Variants in PLAGL1 observed in about 807,000 individuals in gnomAD.
PLAGL1 encodes the protein PLAG1 like zinc finger 1, also known as zinc finger protein PLAGL1.
PLAGL1 carries 1 observed loss-of-function variant against 4.6 expected under a neutral mutation model. That is an observed-to-expected ratio of 0.22 (90% CI 0.08 to 1.03). The LOEUF is 1.03. Among genes scored for constraint, PLAGL1 ranks in the 50% least tolerant of loss-of-function variants. The probability of loss-of-function intolerance (pLI) is 0.58; values close to 1 mark genes in which losing one functional copy is unlikely to be tolerated. For synonymous variants in PLAGL1, 240 were observed against 237.8 expected (o/e 1.01, Z -0.08); for missense variants, 464 against 570.4 (o/e 0.81, Z 1.90).
At position 143,979,761 on chromosome 6, in the gene PLAGL1, G is replaced by T; in HGVS notation, c.-544+5374C>A. ...TTTACCTAGGTGGTTGCCATTTCTG[G>T]TGCTCTTTACTGCTATCTGGCATTA... On this transcript the variant is annotated intron_variant, in intron 2 of 7. Transcript: ENST00000674357. The surrounding 1 kb of genome is among the most constrained non-coding windows in gnomAD (Gnocchi z 4.6). Among the ~76,000 whole-genome samples the T allele has an allele frequency of 6.6e-6, 1 of 151,426 alleles. No individual in the cohort carries two copies. Among genetic ancestry groups the T allele is most frequent in the Non-Finnish European group, 1.5e-5 (1 of 67,806 alleles).
chr6:144,010,969 A>C (rs1795135436), upstream of PLAGL1, among the ~76,000 whole-genome samples: 1 of 152,240 alleles, frequency 6.6e-6, no homozygotes, highest in Non-Finnish European at 1.5e-5. The surrounding 1 kb of genome is among the most constrained non-coding windows in gnomAD (Gnocchi z 4.1). Context: ...GATGGACTAA[A>C]GACTTAAAAC....
Position 143,942,124 on chromosome 6 carries a change from G to A in PLAGL1, c.692C>T (p.Ser231Leu), listed in dbSNP as rs766110989. ...LLSTFHTISP[S>L]FQLKAAALPP... ...CAAGGCAGCAGCCTTCAGTTGGAAT[G>A]AAGGCGAGATGGTGTGGAAGGTGCT... The change falls in exon 8 of 8, where the codon TCA (serine) becomes TTA (leucine). Residue 231 changes from serine (S) to leucine (L), a missense_variant. By Grantham distance (145) the Ser-to-Leu change is moderately radical (BLOSUM62 -2). Transcript: ENST00000674357. The surrounding 1 kb of genome is among the most constrained non-coding windows in gnomAD (Gnocchi z 7.6). The A allele has an allele frequency of 6.2e-7, 1 of 1,614,178 alleles. No individual in the cohort carries two copies. Among genetic ancestry groups the A allele is most frequent in the Non-Finnish European group, 8.5e-7 (1 of 1,180,014 alleles).
rs919950959 is a variant in PLAGL1 at position 144,034,226 on chromosome 6, A to G, written c.-151+30242T>C. On this transcript the variant is annotated intron_variant, in intron 1 of 3. Transcript: ENST00000437412. The surrounding 1 kb of genome is among the most constrained non-coding windows in gnomAD (Gnocchi z 4.7). Reference sequence around the variant, plus strand: ...CCCAGCCTCCCTCCTGGGGTGCCTCATTCCAGGGCTCTTCCATCTTTCTCT... The same window carrying G: ...CCCAGCCTCCCTCCTGGGGTGCCTCGTTCCAGGGCTCTTCCATCTTTCTCT... Among the ~76,000 whole-genome samples, 2 of 152,148 alleles carry G rather than the reference A, an allele frequency of 1.3e-5. No individual in the cohort carries two copies. The highest frequency in any genetic ancestry group is 4.8e-5 in the African/African-American group (2 of 41,428).
rs1788441612 is a variant in PLAGL1 at position 143,983,706 on chromosome 6, T to C, written c.-544+1429A>G. 6.6e-6 allele frequency among the ~76,000 whole-genome samples: 1 copy of C among 151,684 alleles called. No homozygotes were observed. Among genetic ancestry groups the C allele is most frequent in the Admixed American group, 6.6e-5 (1 of 15,226 alleles). ...GCTATTGACGTTGAGTAAGGGAGGA[T>C]GTGAGATATGAAGGAAGTGTGCTGC... On this transcript the variant is annotated intron_variant, in intron 2 of 7. Coordinates refer to ENST00000674357, the MANE Select transcript of PLAGL1 (RefSeq NM_001317162.2). The surrounding 1 kb of genome is among the most constrained non-coding windows in gnomAD (Gnocchi z 6.6).
rs966945860 is a variant in PLAGL1, at chr6:144,016,037, G to A, written c.-150-47059C>T. Among the ~76,000 whole-genome samples, 2 of 152,074 alleles carry A rather than the reference G, an allele frequency of 1.3e-5. No individual in the cohort carries two copies. The highest frequency in any genetic ancestry group is 6.5e-5 in the Admixed American group (1 of 15,272). On this transcript the variant is annotated intron_variant, in intron 1 of 3. Transcript: ENST00000437412. This position sits in a 1 kb window ranked among gnomAD's most constrained non-coding sequence, Gnocchi z 4.2. ...AATCAAAACAACAACAACACTGTGC[G>A]GAGTCAAAGAAATCATATTGTATTA...
chr6:144,062,762 T>C (rs1423667169), intron 1 of PLAGL1, among the ~76,000 whole-genome samples: 6 of 152,202 alleles, frequency 3.9e-5, no homozygotes, highest in African/African-American at 1.4e-4. Context: ...TTCATCTTTA[T>C]ATTCCAAGAA....
intron 1 of PLAGL1, among the ~76,000 whole-genome samples, chr6:143,992,436 G>C (rs1790680791): frequency 6.6e-6 from 1 of 152,210 alleles, no homozygotes; most frequent in Admixed American, 6.5e-5. Context: ...GGGATGGCTT[G>C]TTAGCACAAC....
intron 1 of PLAGL1, among the ~76,000 whole-genome samples, chr6:144,002,916 C>A (rs1793229133): frequency 6.9e-6 from 1 of 145,558 alleles, no homozygotes; most frequent in Non-Finnish European, 1.5e-5. Flanking sequence ...CATTGACAAG[C>A]ACATTTGAAA....
chr6:144,057,537 T>G (rs1265352746), intron 1 of PLAGL1, among the ~76,000 whole-genome samples: 1 of 152,194 alleles, frequency 6.6e-6, no homozygotes, highest in East Asian at 1.9e-4. Flanking sequence ...AATCGTACCC[T>G]TCCCTGCACT....
chr6:143,956,088 A>G (rs1213985089), intron 6 of PLAGL1, among the ~76,000 whole-genome samples: 1 of 152,240 alleles, frequency 6.6e-6, no homozygotes, highest in East Asian at 1.9e-4. Flanking sequence ...AGGGAAGCGG[A>G]TGCCTTTCTG....
At chr6:144,020,018 G>T (rs1795856070) in intron 1 of PLAGL1, among the ~76,000 whole-genome samples, 1 of 152,038 alleles carries the variant, frequency 6.6e-6, no homozygotes, top group Admixed American at 6.6e-5. Context: ...TTTGAAGATG[G>T]GGTCTTTGGG....
chr6:144,052,220 T>A (rs1212956704), intron 1 of PLAGL1, among the ~76,000 whole-genome samples: 1 of 152,166 alleles, frequency 6.6e-6, no homozygotes, highest in Non-Finnish European at 1.5e-5. Flanking sequence ...TCATTCAATA[T>A]GGCAAGGAAA....
Position 144,027,292 on chromosome 6 carries a change from A to AAAGAAAGAAAGT in PLAGL1, c.-151+37175_-151+37176insACTTTCTTTCTT, listed in dbSNP as rs752733300. Among the ~76,000 whole-genome samples the AAAGAAAGAAAGT allele has an allele frequency of 2.2e-3, 315 of 142,428 alleles. 2 individuals are homozygous for AAAGAAAGAAAGT. Among genetic ancestry groups the AAAGAAAGAAAGT allele is most frequent in the African/African-American group, 7.1e-3 (270 of 38,208 alleles). The allele number at this position is 142,428 out of a possible 152,430, so 93.4% of individuals were successfully genotyped here. On this transcript the variant is annotated intron_variant, in intron 1 of 3. Transcript: ENST00000437412. The surrounding 1 kb of genome is among the most constrained non-coding windows in gnomAD (Gnocchi z 5.8). ...GAAAGAAAGAAAGAAAGAAAGAAAG[A>AAAGAAAGAAAGT]AAGTTATTTGATCTGAAGTACAATG...
At chr6:144,026,190 C>T (rs1796327533) in intron 1 of PLAGL1, among the ~76,000 whole-genome samples, 1 of 151,976 alleles carries the variant, frequency 6.6e-6, no homozygotes, top group African/African-American at 2.4e-5. Context: ...TGTGTGTGTC[C>T]TGGATTATGA....
At chr6:144,058,369 C>T (rs1799144526) in intron 1 of PLAGL1, among the ~76,000 whole-genome samples, 1 of 152,162 alleles carries the variant, frequency 6.6e-6, no homozygotes, top group South Asian at 2.1e-4. Context: ...CTCACCAGGC[C>T]CCACATCCAA....
In PLAGL1 at chr6:144,061,222, A is replaced by G. The variant is rs1459352416; in HGVS notation, c.-151+3246T>C. ...AGCCAACCATAGCATGGAGCAGAAG[A>G]AACACGCAGGACTAAATTCCAAAAG... On this transcript the variant is annotated intron_variant, in intron 1 of 3. Transcript: ENST00000437412. The surrounding 1 kb of genome is among the most constrained non-coding windows in gnomAD (Gnocchi z 4.4). 2.0e-5 allele frequency among the ~76,000 whole-genome samples: 3 copies of G among 152,238 alleles called. No homozygotes were observed. Among genetic ancestry groups the G allele is most frequent in the East Asian group, 3.8e-4 (2 of 5,204 alleles).
chr6:144,025,584 C>T (rs1562585486), intron 1 of PLAGL1, among the ~76,000 whole-genome samples: 1 of 152,076 alleles, frequency 6.6e-6, no homozygotes, highest in Non-Finnish European at 1.5e-5. Context: ...AAAGTAAAAA[C>T]TATATTTTTA....
intron 2 of PLAGL1, among the ~76,000 whole-genome samples, chr6:143,980,839 ATACAGTTAAGC>A (rs1787775949): frequency 6.6e-6 from 1 of 152,164 alleles, no homozygotes; most frequent in Admixed American, 6.5e-5. Flanking sequence ...TTGTTCTGGG[ATACAGTTAAGC>A]TACTTCAAAC....
intron 1 of PLAGL1, among the ~76,000 whole-genome samples, chr6:144,033,508 C>T (rs1396268850): frequency 6.6e-6 from 1 of 152,152 alleles, no homozygotes; most frequent in Non-Finnish European, 1.5e-5. Flanking sequence ...AACTGAAATA[C>T]AGACAGGAAA....
Sources: allele counts gnomAD v4.1 joint callset (sites outside exome capture counted in the v4.1 genomes callset), GRCh38; gene constraint gnomAD v4.1.1; non-coding constraint Gnocchi (gnomAD v3.1); transcripts MANE v1.5; gene names NCBI Gene and HGNC (gene_info 2026-07-23, HGNC 2026-07-21).